PLEKHA3: variants seen among roughly 807,000 people sequenced by gnomAD.
PLEKHA3 encodes the protein pleckstrin homology domain containing A3.
In PLEKHA3, 19 loss-of-function variants were observed where a neutral mutation model predicts 39.2. The ratio of observed to expected loss-of-function variants is 0.48; its 90% CI spans 0.34 to 0.71. The LOEUF (loss-of-function observed/expected upper bound fraction) is 0.71, where lower values mean the gene tolerates loss of function less well. Among genes scored for constraint, PLEKHA3 ranks in the 30% least tolerant of loss-of-function variants. PLEKHA3 has a pLI of 0.01. For synonymous variants in PLEKHA3, 97 were observed against 118.6 expected (o/e 0.82, Z 1.18); for missense variants, 253 against 359.5 (o/e 0.70, Z 2.40).
intron 6 of PLEKHA3, among the ~76,000 whole-genome samples, chr2:178,499,866 A>G (rs1243341231): frequency 1.3e-5 from 2 of 152,160 alleles, no homozygotes; most frequent in African/African-American, 2.4e-5. Context: ...GCATGACTGT[A>G]TATCAAGTGA....
chr2:178,505,178 A>G lies in PLEKHA3; in HGVS notation c.*1291A>G, dbSNP rs1685585734. 1 of 152,390 alleles carries G rather than the reference A, an allele frequency of 6.6e-6. No individual in the cohort carries two copies. Among genetic ancestry groups the G allele is most frequent in the African/African-American group, 2.4e-5 (1 of 41,450 alleles). 9.4% of individuals were successfully genotyped at this position (152,390 alleles called of 1,614,324 possible). ...TATATTTAGGCCTGCTGGTGAAGAC[A>G]CAAATGAAGCATAATTTTTGTTGCC... On this transcript the variant is annotated 3_prime_UTR_variant, in exon 8 of 8. Transcript: ENST00000234453.
Position 178,480,785 on chromosome 2 carries a change from G to GGAGGGGCTGCCC in PLEKHA3, c.-84_-73dup, listed in dbSNP as rs1685145997. The GGAGGGGCTGCCC allele has an allele frequency of 3.3e-6, 4 of 1,208,448 alleles. No individual in the cohort carries two copies. The Admixed American group carries it at 1.4e-4, about 43-fold the overall frequency. The allele number at this position is 1,208,448 out of a possible 1,614,324, so 74.9% of individuals were successfully genotyped here. On this transcript the variant is annotated 5_prime_UTR_variant, in exon 1 of 8. Transcript: ENST00000234453. The stretch of plus-strand genomic sequence containing the variant: ...CGGCGGAGGGGGCCCGGGCGGGCCG[G>GGAGGGGCTGCCC]GAGGGGCTGCCCCAGGCCCTGCGCC...
chr2:178,501,147 G>A lies in PLEKHA3; in HGVS notation c.746G>A (p.Cys249Tyr). The change falls in exon 7 of 8, where the codon TGT (cysteine) becomes TAT (tyrosine). Residue 249 changes from cysteine to tyrosine, a missense_variant. Coordinates refer to ENST00000234453, the MANE Select transcript of PLEKHA3 (RefSeq NM_019091.4). ...RRRTYSDTDS[C>Y]SDIPLEDPDR... Reference sequence around the variant, plus strand: ...AGAACCTACTCAGATACAGATTCTTGTAGTGATATTCCTCTTGAAGACCCA... The same window carrying A: ...AGAACCTACTCAGATACAGATTCTTATAGTGATATTCCTCTTGAAGACCCA... 6.2e-7 allele frequency: 1 copy of A among 1,613,020 alleles called. No individual in the cohort carries two copies. Among genetic ancestry groups the A allele is most frequent in the Non-Finnish European group, 8.5e-7 (1 of 1,179,220 alleles).
chr2:178,507,216 T>C lies in PLEKHA3; in HGVS notation c.*3329T>C, dbSNP rs1011364397. 6.6e-6 allele frequency: 1 copy of C among 152,164 alleles called. No homozygotes were observed. The highest frequency in any genetic ancestry group is 2.4e-5 in the African/African-American group (1 of 41,432). The allele number at this position is 152,164 out of a possible 1,614,324, so 9.4% of individuals were successfully genotyped here. A position where few individuals can be genotyped will look rare whatever the true frequency, so the allele number is the denominator to read the frequency against. On this transcript the variant is annotated 3_prime_UTR_variant, in exon 8 of 8. Transcript: ENST00000234453. ...CCTTTTATGGTAGACAGGATTTACT[T>C]TACTTAAACTCTCCACCTCCCACAT...
Position 178,511,247 on chromosome 2 carries a change from A to G in PLEKHA3, c.*7360A>G, listed in dbSNP as rs1311780822. 2.0e-5 allele frequency: 3 copies of G among 152,222 alleles called. No homozygotes were observed. The highest frequency in any genetic ancestry group is 4.4e-5 in the Non-Finnish European group (3 of 68,044). 9.4% of individuals were successfully genotyped at this position (152,222 alleles called of 1,614,324 possible). A position where few individuals can be genotyped will look rare whatever the true frequency, so the allele number is the denominator to read the frequency against. ...CTGTAAATAAAGTAAAAGTGGCTAA[A>G]GAAAACAGTGCCTGCTATTAGCTTG... On this transcript the variant is annotated 3_prime_UTR_variant, in exon 8 of 8. Transcript: ENST00000234453.
chr2:178,515,715 T>C lies in PLEKHA3; in HGVS notation c.*11828T>C, dbSNP rs1183332557. 6.6e-6 allele frequency: 1 copy of C among 152,126 alleles called. No individual in the cohort carries two copies. The allele number at this position is 152,126 out of a possible 1,614,324, so 9.4% of individuals were successfully genotyped here. On this transcript the variant is annotated 3_prime_UTR_variant, in exon 8 of 8. Transcript: ENST00000234453. The stretch of plus-strand genomic sequence containing the variant: ...GCTTTCTAATTATTTTTTTGTAATT[T>C]TTTTGCTTTCTAATTCTTGAGTGAA...
chr2:178,480,790 G>T lies in PLEKHA3; in HGVS notation c.-80G>T. On this transcript the variant is annotated 5_prime_UTR_variant, in exon 1 of 8. Transcript: ENST00000234453. ...GAGGGGGCCCGGGCGGGCCGGGAGG[G>T]GCTGCCCCAGGCCCTGCGCCTACCC... is the stretch of plus-strand genomic sequence containing the variant. The T allele has an allele frequency of 2.4e-6, 3 of 1,236,124 alleles. No homozygotes were observed. The highest frequency in any genetic ancestry group is 2.1e-6 in the Non-Finnish European group (2 of 960,338). 76.6% of individuals were successfully genotyped at this position (1,236,124 alleles called of 1,614,324 possible).
Position 178,490,829 on chromosome 2 carries a change from T to C in PLEKHA3, c.313+15T>C, listed in dbSNP as rs367911728. The C allele has an allele frequency of 6.9e-5, 110 of 1,591,758 alleles. No individual in the cohort carries two copies. The highest frequency in any genetic ancestry group is 8.5e-5 in the Non-Finnish European group (100 of 1,169,906). On this transcript the variant is annotated intron_variant, in intron 3 of 7. Transcript: ENST00000234453. ...AAAAGAAAAAGGTAACTATAAACTT[T>C]TCCCTTGTGGTGAGAGTACTTTCTT...
chr2:178,513,992 T>C lies in PLEKHA3; in HGVS notation c.*10105T>C, dbSNP rs1232663573. ...GGTTATCCAAGTGATTCAGCATGCC[T>C]TCAGAATTGGCATCCTCGGGTGATT... On this transcript the variant is annotated 3_prime_UTR_variant, in exon 8 of 8. Transcript: ENST00000234453. 1 of 152,218 alleles carries C rather than the reference T, an allele frequency of 6.6e-6. No individual in the cohort carries two copies. Among genetic ancestry groups the C allele is most frequent in the Non-Finnish European group, 1.5e-5 (1 of 68,040 alleles). 9.4% of individuals were successfully genotyped at this position (152,218 alleles called of 1,614,324 possible).
At chr2:178,488,916 C>T in intron 2 of PLEKHA3, 1 of 425,704 alleles carries the variant, frequency 2.3e-6, no homozygotes, top group African/African-American at 2.1e-5. Flanking sequence ...AGGTCTTGTC[C>T]ATCTTTTCTG....
chr2:178,488,270 G>C (rs537257893), intron 2 of PLEKHA3, among the ~76,000 whole-genome samples: 1 of 152,320 alleles, frequency 6.6e-6, no homozygotes, highest in African/African-American at 2.4e-5. Context: ...TTCTTCCACT[G>C]TGTAGTTTAT....
At chr2:178,485,442 G>A (rs897996288) in intron 1 of PLEKHA3, among the ~76,000 whole-genome samples, 199 bp from the exon 2 acceptor site, 3 of 152,222 alleles carry the variant, frequency 2.0e-5, no homozygotes, top group Non-Finnish European at 2.9e-5. Context: ...TCTGGAGCTT[G>A]CTCCAGAAAC....
chr2:178,506,648 T>C lies in PLEKHA3; in HGVS notation c.*2761T>C, dbSNP rs1300500393. The stretch of plus-strand genomic sequence containing the variant: ...TGATATGTTAATACCAGATTGCTGT[T>C]TACACTAATTCCATATACATGATAA... On this transcript the variant is annotated 3_prime_UTR_variant, in exon 8 of 8. Transcript: ENST00000234453. 1 of 152,202 alleles carries C rather than the reference T, an allele frequency of 6.6e-6. No individual in the cohort carries two copies. The highest frequency in any genetic ancestry group is 2.4e-5 in the African/African-American group (1 of 41,450). 9.4% of individuals were successfully genotyped at this position (152,202 alleles called of 1,614,324 possible). A position where few individuals can be genotyped will look rare whatever the true frequency, so the allele number is the denominator to read the frequency against.
In PLEKHA3 at chr2:178,490,731, A is replaced by G. The variant is rs1276942313; in HGVS notation, c.230A>G (p.Asn77Ser). 4 of 1,613,944 alleles carry G rather than the reference A, an allele frequency of 2.5e-6. No homozygotes were observed. The highest frequency in any genetic ancestry group is 1.6e-4 in the Middle Eastern group (1 of 6,082). Residue 77 changes from asparagine to serine, a missense_variant, in exon 3 of 8, where the codon AAT becomes AGT. Around this residue, in one of 2 missense-constraint regions of PLEKHA3, gnomAD observed 126 missense variants for 222.7 expected, o/e 0.57. Coordinates refer to ENST00000234453, the MANE Select transcript of PLEKHA3 (RefSeq NM_019091.4). ...GEQHFYMKAV[N>S]AAERQRWLVA... ...CAGCATTTCTACATGAAGGCAGTGA[A>G]TGCAGCTGAAAGACAGAGGTGGCTG...
intron 1 of PLEKHA3, among the ~76,000 whole-genome samples, chr2:178,481,350 T>G (rs534626782): frequency 6.6e-6 from 1 of 152,386 alleles, no homozygotes; most frequent in African/African-American, 2.4e-5. Context: ...TTTAATTTCC[T>G]TAACATTTTA....
chr2:178,500,358 TC>T (rs1266781776), intron 6 of PLEKHA3, among the ~76,000 whole-genome samples: 1 of 152,112 alleles, frequency 6.6e-6, no homozygotes, highest in Admixed American at 6.6e-5. Context: ...AACTGAATTT[TC>T]CAGAAAAATG....
chr2:178,481,755 C>T (rs1458101858), intron 1 of PLEKHA3: 1 of 153,094 alleles, frequency 6.5e-6, no homozygotes, highest in Admixed American at 6.6e-5. Flanking sequence ...TTATTTTGCC[C>T]CGGGATGCCT....
chr2:178,497,304 C>T (rs1472950182), intron 5 of PLEKHA3, among the ~76,000 whole-genome samples: 1 of 152,058 alleles, frequency 6.6e-6, no homozygotes, highest in East Asian at 1.9e-4. Flanking sequence ...AATCTCAGCT[C>T]ACTGCAAGCT....
intron 6 of PLEKHA3, 103 bp from the exon 7 acceptor site, chr2:178,500,958 A>T (rs1685521177): frequency 1.3e-6 from 1 of 769,588 alleles, no homozygotes; most frequent in Non-Finnish European, 2.2e-6. Flanking sequence ...GAGCATAAAA[A>T]TAATTCTTTT....
Sources: allele counts gnomAD v4.1 joint callset (sites outside exome capture counted in the v4.1 genomes callset), GRCh38; gene constraint gnomAD v4.1.1; regional missense constraint gnomAD v4.1.1; transcripts MANE v1.5; gene names NCBI Gene and HGNC (gene_info 2026-07-23, HGNC 2026-07-21).